NET1: variants seen among roughly 807,000 people sequenced by gnomAD.
NET1 encodes the protein neuroepithelial cell transforming 1.
Under a neutral mutation model 61.1 loss-of-function variants are expected in NET1, and 42 were observed. That is an observed-to-expected ratio of 0.69 (90% CI 0.54 to 0.89). The LOEUF (loss-of-function observed/expected upper bound fraction) is 0.89, where lower values mean the gene tolerates loss of function less well. Among genes scored for constraint, NET1 ranks in the 40% least tolerant of loss-of-function variants. The probability of loss-of-function intolerance (pLI) is 0.00; values close to 1 mark genes in which losing one functional copy is unlikely to be tolerated. For missense variants in NET1, 654 were observed against 747.3 expected (o/e 0.88, Z 1.46); for synonymous variants, 254 against 281.8 (o/e 0.90, Z 0.99).
chr10:5,416,478 T>C lies in NET1; in HGVS notation c.128+3658T>C. ...TAGAGATTGCATTAAATCTTGTAGA[T>C]CATTTTCAGGAGTATTGCCCTCTAC... On this transcript the variant is annotated intron_variant, in intron 1 of 11. Coordinates refer to ENST00000355029, the MANE Select transcript of NET1 (RefSeq NM_001047160.3). The surrounding 1 kb of genome is among the most constrained non-coding windows in gnomAD (Gnocchi z 6.1). Among the ~76,000 whole-genome samples, 1 of 152,204 alleles carries C rather than the reference T, an allele frequency of 6.6e-6. No homozygotes were observed. The highest frequency in any genetic ancestry group is 1.9e-4 in the East Asian group (1 of 5,198).
chr10:5,450,267 C>G (rs1832683705), intron 3 of NET1, among the ~76,000 whole-genome samples: 1 of 152,184 alleles, frequency 6.6e-6, no homozygotes, highest in East Asian at 1.9e-4. Flanking sequence ...CAAATTCTTT[C>G]ATTATCTACC....
In NET1 at chr10:5,449,709, A is replaced by T. The variant is rs956105227; in HGVS notation, c.256-2121A>T. ...GTAACTGGTCCTATAAAGATAATAA[A>T]TTTTTATCATTAATTTGATTTTATG... On this transcript the variant is annotated intron_variant, in intron 3 of 11. Coordinates refer to ENST00000355029, the MANE Select transcript of NET1 (RefSeq NM_001047160.3). This position sits in a 1 kb window ranked among gnomAD's most constrained non-coding sequence, Gnocchi z 4.4. Among the ~76,000 whole-genome samples, 3 of 152,228 alleles carry T rather than the reference A, an allele frequency of 2.0e-5. No homozygotes were observed. The highest frequency in any genetic ancestry group is 6.5e-5 in the Admixed American group (1 of 15,292).
At chr10:5,418,835 G>A (rs1478467420) in intron 1 of NET1, among the ~76,000 whole-genome samples, 1 of 152,022 alleles carries the variant, frequency 6.6e-6, no homozygotes, top group East Asian at 1.9e-4. Flanking sequence ...CATTGCTTTA[G>A]CTGCATCTCA....
chr10:5,441,863 C>T lies in NET1; in HGVS notation c.256-9967C>T, dbSNP rs1182116036. 6.6e-6 allele frequency among the ~76,000 whole-genome samples: 1 copy of T among 152,008 alleles called. No homozygotes were observed. ...TGGAACTATGGTTTTTCAAAAGTTC[C>T]ACTTTTCAATTAATACTTCCTTTTT... On this transcript the variant is annotated intron_variant, in intron 3 of 11. Coordinates refer to ENST00000355029, the MANE Select transcript of NET1 (RefSeq NM_001047160.3). The surrounding 1 kb of genome is among the most constrained non-coding windows in gnomAD (Gnocchi z 4.6).
At position 5,431,856 on chromosome 10, in the gene NET1, G is replaced by A. The variant is rs545421751; in HGVS notation, c.255+2627G>A. On this transcript the variant is annotated intron_variant, in intron 3 of 11. Transcript: ENST00000355029. The surrounding 1 kb of genome is among the most constrained non-coding windows in gnomAD (Gnocchi z 4.9). Reference sequence around the variant, plus strand: ...TAGTCTCAAGCAGTGCTCCTACCTCGGCCTCCCAAAGTGCTGGGATTACAG... The same window carrying A: ...TAGTCTCAAGCAGTGCTCCTACCTCAGCCTCCCAAAGTGCTGGGATTACAG... Among the ~76,000 whole-genome samples, 7 of 152,028 alleles carry A rather than the reference G, an allele frequency of 4.6e-5. No homozygotes were observed. The highest frequency in any genetic ancestry group is 2.1e-4 in the South Asian group (1 of 4,814).
In NET1 at chr10:5,412,669, C is replaced by T. The variant is rs1238514063; in HGVS notation, c.-24C>T. On this transcript the variant is annotated 5_prime_UTR_variant, in exon 1 of 12. Coordinates refer to ENST00000355029, the MANE Select transcript of NET1 (RefSeq NM_001047160.3). This position sits in a 1 kb window ranked among gnomAD's most constrained non-coding sequence, Gnocchi z 6.5. ...TGCCGGTCTCCCGGGCACCCGGCCA[C>T]CGCCCCACCCCCTCCTCCGTGCCAT... is the stretch of plus-strand genomic sequence containing the variant. 2 of 1,456,060 alleles carry T rather than the reference C, an allele frequency of 1.4e-6. No homozygotes were observed. The highest frequency in any genetic ancestry group is 3.0e-5 in the Admixed American group (1 of 33,848). The allele number at this position is 1,456,060 out of a possible 1,614,324, so 90.2% of individuals were successfully genotyped here. A position where few individuals can be genotyped will look rare whatever the true frequency, so the allele number is the denominator to read the frequency against.
At position 5,416,817 on chromosome 10, in the gene NET1, A is replaced by G. The variant is rs771986101; in HGVS notation, c.128+3997A>G. Among the ~76,000 whole-genome samples, 7 of 152,098 alleles carry G rather than the reference A, an allele frequency of 4.6e-5. No individual in the cohort carries two copies. Among genetic ancestry groups the G allele is most frequent in the Admixed American group, 6.5e-5 (1 of 15,282 alleles). On this transcript the variant is annotated intron_variant, in intron 1 of 11. Transcript: ENST00000355029. The surrounding 1 kb of genome is among the most constrained non-coding windows in gnomAD (Gnocchi z 6.1). ...GGGCTCCAACCCCATAGCCATGTCTATGGGTGAATGTTTACAGCTGAAGCC... is the reference window on the plus strand; with the variant it reads ...GGGCTCCAACCCCATAGCCATGTCTGTGGGTGAATGTTTACAGCTGAAGCC...
chr10:5,456,150 C>G lies in NET1; in HGVS notation c.1261C>G (p.Arg421Gly), dbSNP rs139037982. ...GACTCGGCCCGTCACACGGAACGAA[C>G]GGCACTCTTACCAGGTTTACCGGCA... ...VLTRPVTRNE[R>G]HSYQVYRQPI... Residue 421 changes from arginine to glycine, a missense_variant, in exon 11 of 12, where the codon CGG (arginine) becomes GGG (glycine). Arg to Gly is a moderately radical substitution (Grantham distance 125, BLOSUM62 -2). Coordinates refer to ENST00000355029, the MANE Select transcript of NET1 (RefSeq NM_001047160.3). This position sits in a 1 kb window ranked among gnomAD's most constrained non-coding sequence, Gnocchi z 7.0. 1 of 1,614,190 alleles carries G rather than the reference C, an allele frequency of 6.2e-7. No homozygotes were observed. Among genetic ancestry groups the G allele is most frequent in the Non-Finnish European group, 8.5e-7 (1 of 1,180,024 alleles).
chr10:5,452,650 T>C lies in NET1; in HGVS notation c.531+125T>C. The C allele has an allele frequency of 9.3e-7, 1 of 1,071,446 alleles. No individual in the cohort carries two copies. Among genetic ancestry groups the C allele is most frequent in the Non-Finnish European group, 1.3e-6 (1 of 746,386 alleles). 66.4% of individuals were successfully genotyped at this position (1,071,446 alleles called of 1,614,324 possible). On this transcript the variant is annotated intron_variant, in intron 5 of 11. Coordinates refer to ENST00000355029, the MANE Select transcript of NET1 (RefSeq NM_001047160.3). The surrounding 1 kb of genome is among the most constrained non-coding windows in gnomAD (Gnocchi z 4.0). ...ATACATGGTGAACAAAACCTAATGATGGATGGTGGTCAAATTAAACAACTC... is the reference window on the plus strand; with the variant it reads ...ATACATGGTGAACAAAACCTAATGACGGATGGTGGTCAAATTAAACAACTC...
Position 5,456,889 on chromosome 10 carries a change from G to A in NET1, c.1686G>A (p.Met562Ile). 1.2e-6 allele frequency: 2 copies of A among 1,614,094 alleles called. No individual in the cohort carries two copies. Among genetic ancestry groups the A allele is most frequent in the Non-Finnish European group, 1.7e-6 (2 of 1,180,008 alleles). The change falls in exon 12 of 12, where the codon ATG (methionine) becomes ATA (isoleucine). Residue 562 changes from methionine to isoleucine, a missense_variant. Transcript: ENST00000355029. This position sits in a 1 kb window ranked among gnomAD's most constrained non-coding sequence, Gnocchi z 7.0. ...NAYRCGSGMQMAEDSKSLKTH... is the reference protein window; with the variant it reads ...NAYRCGSGMQIAEDSKSLKTH... ...ACAGATGTGGCTCTGGCATGCAGAT[G>A]GCAGAGGACAGCAAGAGCTTAAAGA... is the stretch of plus-strand genomic sequence containing the variant.
intron 3 of NET1, among the ~76,000 whole-genome samples, chr10:5,445,125 T>C (rs1588435697): frequency 6.6e-6 from 1 of 152,176 alleles, no homozygotes; most frequent in East Asian, 1.9e-4. Flanking sequence ...TCTCATTATC[T>C]CTCTCACCTA....
At position 5,447,993 on chromosome 10, in the gene NET1, G is replaced by A. The variant is rs538434696; in HGVS notation, c.256-3837G>A. 6.6e-6 allele frequency among the ~76,000 whole-genome samples: 1 copy of A among 152,278 alleles called. No homozygotes were observed. Among genetic ancestry groups the A allele is most frequent in the South Asian group, 2.1e-4 (1 of 4,818 alleles). On this transcript the variant is annotated intron_variant, in intron 3 of 11. Transcript: ENST00000355029. This position sits in a 1 kb window ranked among gnomAD's most constrained non-coding sequence, Gnocchi z 4.1. ...CACTAGGAATGTTGTCACGGTTTTA[G>A]ATCTAGTGACACAGCTCTAAATAAT...
rs368404121 is a variant in NET1 at position 5,452,537 on chromosome 10, C to A, written c.531+12C>A. The A allele has an allele frequency of 3.1e-6, 5 of 1,604,668 alleles. No homozygotes were observed. Among genetic ancestry groups the A allele is most frequent in the Admixed American group, 1.7e-5 (1 of 58,356 alleles). ...TCAGACGGCAGGAGGTATGCTGGCA[C>A]TCAGTGTACATGTTTTCCCAAAAGA... On this transcript the variant is annotated intron_variant, in intron 5 of 11. Transcript: ENST00000355029. The surrounding 1 kb of genome is among the most constrained non-coding windows in gnomAD (Gnocchi z 4.0).
intron 3 of NET1, among the ~76,000 whole-genome samples, chr10:5,445,068 T>G (rs1832584798): frequency 1.3e-5 from 2 of 152,232 alleles, no homozygotes; most frequent in African/African-American, 4.8e-5. Flanking sequence ...TCAGTCATCT[T>G]TCAACCATCT....
chr10:5,415,174 T>A lies in NET1; in HGVS notation c.128+2354T>A, dbSNP rs778461975. Among the ~76,000 whole-genome samples, 5 of 152,208 alleles carry A rather than the reference T, an allele frequency of 3.3e-5. No homozygotes were observed. Among genetic ancestry groups the A allele is most frequent in the Admixed American group, 6.5e-5 (1 of 15,292 alleles). Reference sequence around the variant, plus strand: ...TTTGTGTGTATGATTATGTGACTATTGAAAAACGTTCTGCAGGCAAAACTC... The same window carrying A: ...TTTGTGTGTATGATTATGTGACTATAGAAAAACGTTCTGCAGGCAAAACTC... On this transcript the variant is annotated intron_variant, in intron 1 of 11. Transcript: ENST00000355029. This position sits in a 1 kb window ranked among gnomAD's most constrained non-coding sequence, Gnocchi z 4.7.
In NET1 at chr10:5,437,611, C is replaced by T. The variant is rs762432719; in HGVS notation, c.255+8382C>T. Among the ~76,000 whole-genome samples the T allele has an allele frequency of 1.3e-5, 2 of 151,524 alleles. No individual in the cohort carries two copies. The highest frequency in any genetic ancestry group is 1.5e-5 in the Non-Finnish European group (1 of 67,926). On this transcript the variant is annotated intron_variant, in intron 3 of 11. Coordinates refer to ENST00000355029, the MANE Select transcript of NET1 (RefSeq NM_001047160.3). The surrounding 1 kb of genome is among the most constrained non-coding windows in gnomAD (Gnocchi z 4.3). ...GTTTGCCAAATTGATACTTTTCTAT[C>T]GGTTTATGATAATATTCATAACCGA...
rs4881439 is a variant in NET1, at chr10:5,423,873, G to A, written c.129-2782G>A. Among the ~76,000 whole-genome samples, 45,191 of 152,056 alleles carry A rather than the reference G, an allele frequency of 0.3. 6,881 individuals carry two copies. The highest frequency in any genetic ancestry group is 0.34 in the African/African-American group (14,031 of 41,454). ...ACTGTCTCACATCCTTTGTGGGCAC[G>A]GTTTGTTTTTTGGGTTCCTTTTTTC... On this transcript the variant is annotated intron_variant, in intron 1 of 11. Transcript: ENST00000355029. The surrounding 1 kb of genome is among the most constrained non-coding windows in gnomAD (Gnocchi z 4.4).
At chr10:5,425,141 C>T (rs764911981) in intron 1 of NET1, among the ~76,000 whole-genome samples, 17 of 152,262 alleles carry the variant, frequency 1.1e-4, no homozygotes, top group Non-Finnish European at 2.1e-4. Flanking sequence ...TTGTTAATTG[C>T]TATTTTTCTT....
intron 2 of NET1, among the ~76,000 whole-genome samples, chr10:5,428,725 G>GT (rs111559000): frequency 0.027 from 3,784 of 138,186 alleles, 120 homozygotes; most frequent in African/African-American, 0.079. Context: ...AATTTTCTTT[G>GT]TTTTTTTTTT....
Sources: gnomAD v4.1 joint callset for allele counts (sites outside exome capture counted in the v4.1 genomes callset) on GRCh38, gnomAD v4.1.1 for gene constraint, Gnocchi (gnomAD v3.1) non-coding constraint, MANE v1.5 for transcripts, NCBI Gene and HGNC (gene_info 2026-07-23, HGNC 2026-07-21) for gene names.